The following EMID1 variants were observed in gnomAD, a reference collection of about 807,000 sequenced individuals.
EMID1 encodes EMI domain-containing protein 1.
EMID1 carries 40 observed loss-of-function variants against 60.6 expected under a neutral mutation model. The observed-to-expected ratio is 0.66, with a 90% CI of 0.51 to 0.86. The LOEUF is 0.86. Among genes scored for constraint, EMID1 ranks in the 40% least tolerant of loss-of-function variants. The pLI is 0.00. For synonymous variants in EMID1, 242 were observed against 231.0 expected, an observed-to-expected ratio of 1.05 and a Z score of -0.43; for missense variants, 585 against 597.1, an observed-to-expected ratio of 0.98 and a Z score of 0.21.
intron 12 of EMID1, among the ~76,000 whole-genome samples, chr22:29,242,224 C>A (rs958131433): frequency 2.3e-4 from 35 of 152,186 alleles, no homozygotes; most frequent in African/African-American, 6.8e-4. Flanking sequence ...GGATTACAGG[C>A]TCTGTCTGTA....
At chr22:29,230,575 C>T (rs1036620974) in intron 5 of EMID1, among the ~76,000 whole-genome samples, 10 of 152,174 alleles carry the variant, frequency 6.6e-5, no homozygotes, top group East Asian at 1.9e-4. Context: ...TGATGAAGTT[C>T]GGTGCCCCTG....
At chr22:29,211,556 T>C (rs557409356) in intron 1 of EMID1, among the ~76,000 whole-genome samples, 6 of 152,200 alleles carry the variant, frequency 3.9e-5, no homozygotes, top group Admixed American at 2.6e-4. Flanking sequence ...AACATGTGTG[T>C]CCATGCATTG....
intron 13 of EMID1, chr22:29,253,945 G>C (rs370850955): frequency 1.0e-6 from 1 of 985,302 alleles, no homozygotes; most frequent in Non-Finnish European, 1.2e-6. Context: ...CAGGATTTGC[G>C]GCCTTGTCAG....
At chr22:29,232,999 G>A in intron 8 of EMID1, 1 of 261,312 alleles carries the variant, frequency 3.8e-6, no homozygotes, top group Non-Finnish European at 7.4e-6. Context: ...CATACGATGG[G>A]GACAATGACA....
At position 29,212,724 on chromosome 22, in the gene EMID1, C is replaced by T. The variant is rs544167142; in HGVS notation, c.102-2202C>T. On this transcript the variant is annotated intron_variant, in intron 1 of 14. Coordinates refer to ENST00000334018, the MANE Select transcript of EMID1 (RefSeq NM_133455.4). ...GATTACAGGCTCCCACCATCACACC[C>T]GGCTAATTTTTTGTATTTTTAGTAG... is the stretch of plus-strand genomic sequence containing the variant. Among the ~76,000 whole-genome samples, 5 of 151,844 alleles carry T rather than the reference C, an allele frequency of 3.3e-5. No homozygotes were observed. In the East Asian group the frequency reaches 5.9e-4, roughly 18 times the overall value.
At chr22:29,240,691 C>T (rs547605696) in intron 12 of EMID1, among the ~76,000 whole-genome samples, 33 of 152,334 alleles carry the variant, frequency 2.2e-4, no homozygotes, top group Admixed American at 1.2e-3. Flanking sequence ...GTAAATCATG[C>T]GCTTGACGCA....
At chr22:29,226,580 T>G (rs756762271) in intron 5 of EMID1, 29 bp downstream of exon 5, 1 of 1,603,360 alleles carries the variant, frequency 6.2e-7, no homozygotes, top group Non-Finnish European at 8.5e-7. Flanking sequence ...CCTGGGTGGT[T>G]GTTCCCTGCC....
chr22:29,215,390 C>G (rs959452130), intron 2 of EMID1, 137 bp from the exon 3 acceptor site: 17 of 1,266,160 alleles, frequency 1.3e-5, no homozygotes, highest in Non-Finnish European at 1.8e-5. Flanking sequence ...TCCCAAAATG[C>G]AGGAGAGAGC....
At chr22:29,250,363 C>T (rs1277673350) in intron 13 of EMID1, among the ~76,000 whole-genome samples, 3 of 152,158 alleles carry the variant, frequency 2.0e-5, no homozygotes, top group Non-Finnish European at 4.4e-5. Flanking sequence ...CTGCCTTTTT[C>T]TTCTTCTCTT....
chr22:29,226,840 G>T (rs1360373533), intron 5 of EMID1, among the ~76,000 whole-genome samples: 1 of 152,128 alleles, frequency 6.6e-6, no homozygotes, highest in African/African-American at 2.4e-5. Context: ...TATGTGAAGC[G>T]CAAGTCACAG....
chr22:29,234,221 G>C (rs1397171718), intron 11 of EMID1, 22 bp downstream of exon 11: 1 of 1,608,708 alleles, frequency 6.2e-7, no homozygotes, highest in Non-Finnish European at 8.5e-7. Flanking sequence ...GGTGGCCCCA[G>C]GTGGGGGAAT....
At chr22:29,257,213 C>T (rs958381493) in intron 14 of EMID1, among the ~76,000 whole-genome samples, 1 of 152,126 alleles carries the variant, frequency 6.6e-6, no homozygotes, top group East Asian at 1.9e-4. Flanking sequence ...GGTCGGGGGA[C>T]TGGGAAATGG....
rs1026710975 is a variant in EMID1, at chr22:29,255,520, G to T, written c.1204+1233G>T. On this transcript the variant is annotated intron_variant, in intron 14 of 14. Coordinates refer to ENST00000334018, the MANE Select transcript of EMID1 (RefSeq NM_133455.4). ...GCAAATGGTGCCTGGCAGAGAGAAG[G>T]CTCTGGTCACTTGAGTGAATGCGCA... 3 of 541,088 alleles carry T rather than the reference G, an allele frequency of 5.5e-6. No homozygotes were observed. The Admixed American group carries it at 9.7e-5, about 18-fold the overall frequency. 33.5% of individuals were successfully genotyped at this position (541,088 alleles called of 1,614,324 possible).
chr22:29,229,008 T>C (rs1212866400), intron 5 of EMID1, among the ~76,000 whole-genome samples: 1 of 152,218 alleles, frequency 6.6e-6, no homozygotes, highest in Non-Finnish European at 1.5e-5. Context: ...CTATGGGGCA[T>C]TCAGCAGCCA....
intron 7 of EMID1, 175 bp downstream of exon 7, chr22:29,231,857 T>G (rs113165862): frequency 2.7e-4 from 163 of 611,890 alleles, no homozygotes; most frequent in African/African-American, 2.6e-3. Flanking sequence ...AAGTCCTCTC[T>G]TATGTTCACT....
chr22:29,230,311 C>CA (rs1157983493), intron 5 of EMID1, among the ~76,000 whole-genome samples: 17 of 150,276 alleles, frequency 1.1e-4, no homozygotes, highest in Non-Finnish European at 2.5e-4. Flanking sequence ...CCAGCCTGGG[C>CA]AACAGAGCAA....
At chr22:29,232,219 T>G (rs1601972936) in intron 7 of EMID1, 37 bp from the exon 8 acceptor site, 1 of 1,610,924 alleles carries the variant, frequency 6.2e-7, no homozygotes, top group South Asian at 1.1e-5. Flanking sequence ...CCTCCTTGCC[T>G]CCTGTATACC....
intron 5 of EMID1, among the ~76,000 whole-genome samples, chr22:29,230,620 T>A (rs1453681116): frequency 1.3e-5 from 2 of 152,160 alleles, no homozygotes; most frequent in Non-Finnish European, 2.9e-5. Flanking sequence ...TGGGCCCTGC[T>A]GGCCATGTGC....
chr22:29,232,835 C>A, intron 8 of EMID1: 1 of 180,068 alleles, frequency 5.6e-6, no homozygotes. Flanking sequence ...TTGGCTTCTT[C>A]CCTTTGGCAG....
Sources: gnomAD v4.1 joint callset for allele counts (sites outside exome capture counted in the v4.1 genomes callset) on GRCh38, gnomAD v4.1.1 for gene constraint, MANE v1.5 for transcripts, NCBI Gene and HGNC (gene_info 2026-07-23, HGNC 2026-07-21) for gene names.